Variants in PCDH11X observed in about 807,000 individuals in gnomAD.
The protein encoded by PCDH11X is protocadherin 11 X-linked.
A neutral mutation model predicts 53.3 loss-of-function variants in PCDH11X; 18 were observed. The observed-to-expected ratio is 0.34, with a 90% CI of 0.23 to 0.50. PCDH11X has a LOEUF of 0.50. Ranked by LOEUF, PCDH11X falls within the 20% of genes least tolerant of loss-of-function variation. The pLI, the probability that PCDH11X is intolerant of heterozygous loss-of-function variation, is 0.98. For missense variants in PCDH11X, 570 were observed against 1,032.4 expected (o/e 0.55, Z 6.14); for synonymous variants, 279 against 393.3 (o/e 0.71, Z 3.44).
At chrX:92,559,510 T>C (rs912501656) in intron 10 of PCDH11X, among the ~76,000 whole-genome samples, 2 of 110,241 alleles carry the variant, frequency 1.8e-5, no homozygotes, top group Admixed American at 9.7e-5. Context: ...GCAATCATAG[T>C]ACATGGTTTT....
At chrX:92,508,001 G>T (rs1366754433) in intron 10 of PCDH11X, among the ~76,000 whole-genome samples, 1 of 109,400 alleles carries the variant, frequency 9.1e-6, no homozygotes, top group African/African-American at 3.3e-5. Context: ...TTTTAGTAGA[G>T]ACGGGGTTTC....
intron 1 of PCDH11X, among the ~76,000 whole-genome samples, chrX:91,792,861 G>A (rs1935602252): frequency 9.1e-6 from 1 of 109,983 alleles, no homozygotes; most frequent in Admixed American, 9.8e-5. Flanking sequence ...AATAATTGTG[G>A]GTTTTCCCAT....
chrX:92,226,319 G>C (rs1474675630), intron 7 of PCDH11X, among the ~76,000 whole-genome samples: 1 of 111,180 alleles, frequency 9.0e-6, no homozygotes, highest in East Asian at 2.8e-4. Context: ...AACTTTGATT[G>C]GGCAAAAAGG....
chrX:92,596,368 C>T (rs973312514), intron 10 of PCDH11X, among the ~76,000 whole-genome samples: 1 of 107,690 alleles, frequency 9.3e-6, no homozygotes, highest in Non-Finnish European at 1.9e-5. Context: ...GAATAAAAGC[C>T]AAAGGGGGAT....
Position 92,266,938 on chromosome X carries a change from G to T in PCDH11X, c.3144+3795G>T, listed in dbSNP as rs184617778. Among the ~76,000 whole-genome samples, 6 of 109,507 alleles carry T rather than the reference G, an allele frequency of 5.5e-5. No individual in the cohort carries two copies. In the East Asian group the frequency reaches 1.4e-3, roughly 26 times the overall value. On this transcript the variant is annotated intron_variant, in intron 8 of 10. Transcript: ENST00000682573. Reference sequence around the variant, plus strand: ...TTTTGTATTTTTAATAGAGACGAGGGTTCACCATGTTGGCCAGGCTGGTCT... The same window carrying T: ...TTTTGTATTTTTAATAGAGACGAGGTTTCACCATGTTGGCCAGGCTGGTCT...
At chrX:92,099,804 A>G (rs748392101) in intron 6 of PCDH11X, among the ~76,000 whole-genome samples, 1 of 110,972 alleles carries the variant, frequency 9.0e-6, no homozygotes, top group African/African-American at 3.3e-5. Context: ...TATGCTAAAA[A>G]TTGTTGGGGA....
At chrX:91,895,795 TAC>T (rs1940723736) in intron 6 of PCDH11X, among the ~76,000 whole-genome samples, 1 of 107,463 alleles carries the variant, frequency 9.3e-6, no homozygotes, top group South Asian at 3.7e-4. Context: ...TTCATTATAT[TAC>T]ACATTCCATA....
chrX:92,088,236 A>C (rs1324252812), intron 6 of PCDH11X, among the ~76,000 whole-genome samples: 1 of 110,780 alleles, frequency 9.0e-6, no homozygotes, highest in Non-Finnish European at 1.9e-5. Context: ...TGAGCAACAC[A>C]TTTTTGCTCT....
intron 9 of PCDH11X, among the ~76,000 whole-genome samples, chrX:92,414,067 A>G: frequency 9.2e-6 from 1 of 108,995 alleles, no homozygotes; most frequent in Non-Finnish European, 1.9e-5. Flanking sequence ...AAGAGGGAGC[A>G]ATATCAGGTA....
At position 92,217,508 on chromosome X, in the gene PCDH11X, C is replaced by G. The variant is rs2066747657; in HGVS notation, c.3114+16053C>G. 5.1e-5 allele frequency among the ~76,000 whole-genome samples: 5 copies of G among 98,577 alleles called. No homozygotes were observed. The South Asian group carries it at 2.7e-3, about 53-fold the overall frequency. The allele number at this position is 98,577 out of a possible 115,157, so 85.6% of individuals were successfully genotyped here. A position where few individuals can be genotyped will look rare whatever the true frequency, so the allele number is the denominator to read the frequency against. On this transcript the variant is annotated intron_variant, in intron 7 of 10. Transcript: ENST00000682573. ...AATTCAACAAGAAGAGCTAACTATC[C>G]TAAATATGTATGCACCCAATACAGG...
chrX:91,841,476 G>A (rs1937519192), intron 5 of PCDH11X, among the ~76,000 whole-genome samples: 1 of 111,097 alleles, frequency 9.0e-6, no homozygotes, highest in Non-Finnish European at 1.9e-5. Flanking sequence ...ACTATAAGAA[G>A]CACCACTAAA....
intron 6 of PCDH11X, among the ~76,000 whole-genome samples, chrX:91,917,650 A>G (rs1359266834): frequency 5.5e-4 from 55 of 100,140 alleles, no homozygotes; most frequent in Non-Finnish European, 8.7e-4. Context: ...AAGGAAAACT[A>G]CAAAACACTG....
chrX:92,344,875 A>G (rs897477321), intron 8 of PCDH11X, among the ~76,000 whole-genome samples: 13 of 108,045 alleles, frequency 1.2e-4, no homozygotes, highest in African/African-American at 4.0e-4. Context: ...GATAAATCTG[A>G]TAAGAGTATT....
intron 9 of PCDH11X, among the ~76,000 whole-genome samples, chrX:92,465,679 T>C (rs1172488360): frequency 3.6e-5 from 4 of 111,387 alleles, no homozygotes; most frequent in Non-Finnish European, 7.6e-5. Flanking sequence ...TACTTAAAAT[T>C]TGTTTTAGGA....
chrX:92,134,973 G>GT (rs2065060413), intron 6 of PCDH11X, among the ~76,000 whole-genome samples: 1 of 110,914 alleles, frequency 9.0e-6, no homozygotes, highest in Non-Finnish European at 1.9e-5. Flanking sequence ...ATGCAGCCCA[G>GT]TAGGACTCAG....
At chrX:92,113,895 G>A in intron 6 of PCDH11X, 4 of 1,201,666 alleles carry the variant, frequency 3.3e-6, no homozygotes, top group Non-Finnish European at 3.4e-6. Flanking sequence ...TGAATCCACG[G>A]CTTAACATTT....
intron 9 of PCDH11X, among the ~76,000 whole-genome samples, chrX:92,448,955 C>T (rs895929922): frequency 9.0e-5 from 10 of 111,684 alleles, no homozygotes; most frequent in African/African-American, 3.3e-4. Context: ...TGTTCTTTTG[C>T]AGATTACTTT....
chrX:92,300,481 GGTTT>G (rs989690666), intron 8 of PCDH11X, among the ~76,000 whole-genome samples: 32 of 110,300 alleles, frequency 2.9e-4, no homozygotes, highest in African/African-American at 1.0e-3. Context: ...TGTTATTGTT[GGTTT>G]GTTTGTTTGT....
chrX:92,255,529 G>T (rs1302886494), intron 7 of PCDH11X, among the ~76,000 whole-genome samples: 8 of 108,525 alleles, frequency 7.4e-5, no homozygotes, highest in Non-Finnish European at 1.5e-4. Context: ...GATTTTTAGA[G>T]TTTCCAGTTT....
Sources: allele counts gnomAD v4.1 joint callset (sites outside exome capture counted in the v4.1 genomes callset), GRCh38; gene constraint gnomAD v4.1.1; transcripts MANE v1.5; gene names NCBI Gene and HGNC (gene_info 2026-07-23, HGNC 2026-07-21).